Variants in KIRREL3 observed in about 807,000 individuals in gnomAD.
KIRREL3 encodes kirre like nephrin family adhesion molecule 3.
Under a neutral mutation model 89.7 loss-of-function variants are expected in KIRREL3, and 36 were observed. The observed-to-expected ratio is 0.40, with a 90% confidence interval of 0.31 to 0.53. KIRREL3 has a LOEUF of 0.53. KIRREL3 is among the 20% of genes least tolerant of loss of function. The pLI is 0.49. For missense variants in KIRREL3, 864 were observed against 1,056.6 expected, an observed-to-expected ratio of 0.82 and a Z score of 2.53; for synonymous variants, 445 against 441.4, an observed-to-expected ratio of 1.01 and a Z score of -0.10.
At chr11:126,878,925 A>T (rs1312866720) in intron 1 of KIRREL3, among the ~76,000 whole-genome samples, 1 of 152,198 alleles carries the variant, frequency 6.6e-6, no homozygotes, top group African/African-American at 2.4e-5. Flanking sequence ...AGAATGTGAG[A>T]CATCCCTAAC....
At chr11:126,701,498 ATC>A (rs1947312301) in intron 1 of KIRREL3, among the ~76,000 whole-genome samples, 2 of 152,022 alleles carry the variant, frequency 1.3e-5, no homozygotes, top group Admixed American at 6.6e-5. Context: ...GGAGCTTGCA[ATC>A]TCTCAGCCTG....
Position 126,643,179 on chromosome 11 carries a change from T to C in KIRREL3, c.56-80267A>G, listed in dbSNP as rs73629131. Among the ~76,000 whole-genome samples, 224 of 152,348 alleles carry C rather than the reference T, an allele frequency of 1.5e-3. No individual in the cohort carries two copies. The highest frequency in any genetic ancestry group is 5.0e-3 in the African/African-American group (210 of 41,590). On this transcript the variant is annotated intron_variant, in intron 1 of 16. Coordinates refer to ENST00000525144, the MANE Select transcript of KIRREL3 (RefSeq NM_032531.4). This position sits in a 1 kb window ranked among gnomAD's most constrained non-coding sequence, Gnocchi z 4.5. Reference sequence around the variant, plus strand: ...CAAGCATAGCTTCAATTTTCCTATTTCTATAACAAGAATATTAATGGTATC... The same window carrying C: ...CAAGCATAGCTTCAATTTTCCTATTCCTATAACAAGAATATTAATGGTATC...
Position 126,446,835 on chromosome 11 carries a change from G to A in KIRREL3, c.1049C>T (p.Ser350Phe), listed in dbSNP as rs368688485. 1.2e-6 allele frequency: 2 copies of A among 1,602,996 alleles called. No homozygotes were observed. Among genetic ancestry groups the A allele is most frequent in the African/African-American group, 2.7e-5 (2 of 74,744 alleles). The change falls in exon 9 of 17, where the codon TCT becomes TTT. Residue 350 changes from serine to phenylalanine, a missense_variant. By Grantham distance (155) the Ser-to-Phe change is radical. Transcript: ENST00000525144. ...EPQSLLVDLGSDAIFSCAWTG... is the reference protein window; with the variant it reads ...EPQSLLVDLGFDAIFSCAWTG... ...CCAGGCGCAGCTGAAGATGGCATCA[G>A]AGCCCAGATCCACGAGCAAGGATTG...
rs1255291719 is a variant in KIRREL3, at chr11:126,997,116, A to C, written c.55+3339T>G. The stretch of plus-strand genomic sequence containing the variant: ...TCCCTCCAAGCTACCTAAGCTGTGC[A>C]TGTGCAGGCTGGATGGGATGGGGCT... On this transcript the variant is annotated intron_variant, in intron 1 of 16. Coordinates refer to ENST00000525144, the MANE Select transcript of KIRREL3 (RefSeq NM_032531.4). This position sits in a 1 kb window ranked among gnomAD's most constrained non-coding sequence, Gnocchi z 4.3. 6.6e-6 allele frequency among the ~76,000 whole-genome samples: 1 copy of C among 152,166 alleles called. No individual in the cohort carries two copies. The highest frequency in any genetic ancestry group is 2.4e-5 in the African/African-American group (1 of 41,444).
At chr11:126,756,041 T>C (rs1020835030) in intron 1 of KIRREL3, among the ~76,000 whole-genome samples, 3 of 152,206 alleles carry the variant, frequency 2.0e-5, no homozygotes, top group African/African-American at 7.2e-5. Flanking sequence ...TATGATCCAT[T>C]GAGAGTGGCA....
chr11:126,678,683 G>A (rs1166382297), intron 1 of KIRREL3, among the ~76,000 whole-genome samples: 1 of 150,940 alleles, frequency 6.6e-6, no homozygotes, highest in Non-Finnish European at 1.5e-5. Flanking sequence ...ATCCCTTGCT[G>A]GTAAGGGAGT....
chr11:126,953,921 CCTTT>C lies in KIRREL3; in HGVS notation c.55+46530_55+46533del, dbSNP rs1442697463. Among the ~76,000 whole-genome samples, 3 of 151,972 alleles carry C rather than the reference CCTTT, an allele frequency of 2.0e-5. No individual in the cohort carries two copies. The highest frequency in any genetic ancestry group is 7.3e-5 in the African/African-American group (3 of 41,356). ...ATCTGATTTAGATCTTTTCTTTTCC[CCTTT>C]CTTTCTTTGCTGAGGCTAGATTTCA... On this transcript the variant is annotated intron_variant, in intron 1 of 16. Coordinates refer to ENST00000525144, the MANE Select transcript of KIRREL3 (RefSeq NM_032531.4). This position sits in a 1 kb window ranked among gnomAD's most constrained non-coding sequence, Gnocchi z 5.2.
At chr11:126,633,056 T>G (rs1944111442) in intron 1 of KIRREL3, among the ~76,000 whole-genome samples, 1 of 152,106 alleles carries the variant, frequency 6.6e-6, no homozygotes, top group African/African-American at 2.4e-5. Context: ...CACTTCAGCC[T>G]GGGCAATAGA....
At position 126,993,598 on chromosome 11, in the gene KIRREL3, G is replaced by A. The variant is rs1380721105; in HGVS notation, c.55+6857C>T. ...AATCGAAGTGTCTGCTCCCCAACCA[G>A]ACTAAGAGCTCTGGGGCAGAAACAT... is the stretch of plus-strand genomic sequence containing the variant. On this transcript the variant is annotated intron_variant, in intron 1 of 16. Coordinates refer to ENST00000525144, the MANE Select transcript of KIRREL3 (RefSeq NM_032531.4). This position sits in a 1 kb window ranked among gnomAD's most constrained non-coding sequence, Gnocchi z 6.1. Among the ~76,000 whole-genome samples, 1 of 152,162 alleles carries A rather than the reference G, an allele frequency of 6.6e-6. No individual in the cohort carries two copies. Among genetic ancestry groups the A allele is most frequent in the African/African-American group, 2.4e-5 (1 of 41,432 alleles).
At chr11:126,809,154 A>G (rs1951300047) in intron 1 of KIRREL3, among the ~76,000 whole-genome samples, 1 of 152,156 alleles carries the variant, frequency 6.6e-6, no homozygotes, top group African/African-American at 2.4e-5. Flanking sequence ...GCTTCAGCAA[A>G]ACCTTCATTA....
In KIRREL3 at chr11:126,877,638, G is replaced by A. The variant is rs1047889431; in HGVS notation, c.55+122817C>T. 3.9e-5 allele frequency among the ~76,000 whole-genome samples: 6 copies of A among 152,118 alleles called. No homozygotes were observed. The highest frequency in any genetic ancestry group is 2.6e-4 in the Admixed American group (4 of 15,278). ...CTTGGCTTATTTGAAAAATTATCCCGTTTTATCAATTTTATTTGGCTAGCA... is the reference window on the plus strand; with the variant it reads ...CTTGGCTTATTTGAAAAATTATCCCATTTTATCAATTTTATTTGGCTAGCA... On this transcript the variant is annotated intron_variant, in intron 1 of 16. Transcript: ENST00000525144. This position sits in a 1 kb window ranked among gnomAD's most constrained non-coding sequence, Gnocchi z 4.9.
In KIRREL3 at chr11:126,773,297, G is replaced by A. The variant is rs970996520; in HGVS notation, c.56-210385C>T. ...GAGTGAAGTCAATACAGTGTGGGTC[G>A]GCTTTGTCCCATCAGTTCAGGGCCA... On this transcript the variant is annotated intron_variant, in intron 1 of 16. Transcript: ENST00000525144. This position sits in a 1 kb window ranked among gnomAD's most constrained non-coding sequence, Gnocchi z 4.2. Among the ~76,000 whole-genome samples, 10 of 152,072 alleles carry A rather than the reference G, an allele frequency of 6.6e-5. No homozygotes were observed. The highest frequency in any genetic ancestry group is 8.8e-5 in the Non-Finnish European group (6 of 68,010).
chr11:126,770,392 C>T (rs1429444139), intron 1 of KIRREL3, among the ~76,000 whole-genome samples: 1 of 152,188 alleles, frequency 6.6e-6, no homozygotes, highest in Non-Finnish European at 1.5e-5. Context: ...ACTACAGTCG[C>T]AGCGACACTG....
intron 1 of KIRREL3, among the ~76,000 whole-genome samples, chr11:126,618,850 C>A (rs768401741): frequency 1.3e-5 from 2 of 152,226 alleles, no homozygotes; most frequent in Non-Finnish European, 2.9e-5. Flanking sequence ...CCCTCCTCTA[C>A]TAATGAAAGA....
chr11:126,885,639 T>C (rs1199587531), intron 1 of KIRREL3, among the ~76,000 whole-genome samples: 3 of 152,206 alleles, frequency 2.0e-5, no homozygotes, highest in Non-Finnish European at 4.4e-5. Flanking sequence ...ATCTGCCTTA[T>C]TTTTTTCTAG....
intron 2 of KIRREL3, among the ~76,000 whole-genome samples, chr11:126,539,730 A>G (rs943282449): frequency 2.6e-5 from 4 of 152,200 alleles, no homozygotes; most frequent in African/African-American, 9.6e-5. Context: ...AGAATCCCCC[A>G]GGTGATGCTG....
intron 1 of KIRREL3, among the ~76,000 whole-genome samples, chr11:126,902,663 A>G (rs555656121): frequency 2.0e-5 from 3 of 152,364 alleles, no homozygotes; most frequent in South Asian, 2.1e-4. Context: ...TCCACAATCT[A>G]TTGAGGCAGA....
rs1949925522 is a variant in KIRREL3 at position 126,768,738 on chromosome 11, G to GA, written c.56-205827dup. Among the ~76,000 whole-genome samples, 1 of 152,152 alleles carries GA rather than the reference G, an allele frequency of 6.6e-6. No homozygotes were observed. The highest frequency in any genetic ancestry group is 2.4e-5 in the African/African-American group (1 of 41,424). On this transcript the variant is annotated intron_variant, in intron 1 of 16. Transcript: ENST00000525144. This position sits in a 1 kb window ranked among gnomAD's most constrained non-coding sequence, Gnocchi z 4.5. Reference sequence around the variant, plus strand: ...AGCAAGTGCAAAGGTCCTAAGGTGAGAATGACCCAGGTGCCTTCAGGAATA... The same window carrying GA: ...AGCAAGTGCAAAGGTCCTAAGGTGAGAAATGACCCAGGTGCCTTCAGGAATA...
chr11:126,794,209 T>C (rs1170126144), intron 1 of KIRREL3, among the ~76,000 whole-genome samples: 1 of 152,254 alleles, frequency 6.6e-6, no homozygotes, highest in East Asian at 1.9e-4. Flanking sequence ...AAGTGTCAAA[T>C]TTCATTCAAA....
Sources: allele counts gnomAD v4.1 joint callset (sites outside exome capture counted in the v4.1 genomes callset), GRCh38; gene constraint gnomAD v4.1.1; non-coding constraint Gnocchi (gnomAD v3.1); transcripts MANE v1.5; gene names NCBI Gene and HGNC (gene_info 2026-07-23, HGNC 2026-07-21).